Variants in AAR2 observed in about 807,000 individuals in gnomAD.
The protein encoded by AAR2 is AAR2 splicing factor.
AAR2 carries 31 observed loss-of-function variants against 26.9 expected under a neutral mutation model. That is an observed-to-expected ratio of 1.15 (90% CI 0.86 to 1.55). AAR2 has a LOEUF of 1.55. Among genes scored for constraint, AAR2 ranks in the 40% most tolerant of loss-of-function variants. AAR2 has a pLI of 0.00. For synonymous variants in AAR2, 188 were observed against 196.1 expected (o/e 0.96, Z 0.34); for missense variants, 430 against 491.3 (o/e 0.88, Z 1.18).
rs752437824 is a variant in AAR2 at position 36,244,690 on chromosome 20, C to T, written c.758-7C>T. 1 of 1,614,032 alleles carries T rather than the reference C, an allele frequency of 6.2e-7. No homozygotes were observed. The highest frequency in any genetic ancestry group is 1.1e-5 in the South Asian group (1 of 91,062). ...TCAGAATCACTTCTCCTCTCTGCAC[C>T]TTTCAGGTGAACTCCAGTTTGCTTT... On this transcript the variant is annotated splice_polypyrimidine_tract_variant and splice_region_variant and intron_variant, in intron 2 of 3. Transcript: ENST00000320849.
chr20:36,239,631 C>A (rs1376171510), intron 1 of AAR2, among the ~76,000 whole-genome samples, 190 bp from the exon 2 acceptor site: 5 of 152,122 alleles, frequency 3.3e-5, no homozygotes, highest in African/African-American at 1.2e-4. Flanking sequence ...GCATGTTAAG[C>A]CAAAACACAA....
At chr20:36,245,928 G>C (rs556701354) in intron 3 of AAR2, among the ~76,000 whole-genome samples, 1 of 152,190 alleles carries the variant, frequency 6.6e-6, no homozygotes, top group East Asian at 1.9e-4. Context: ...GCTGAGACAG[G>C]AGGATCACTT....
In AAR2 at chr20:36,255,643, C is replaced by A; in HGVS notation, c.1053C>A (p.Phe351Leu). ...DATLRKKAEK[F>L]QAHLTKKFRW... ...CCCTGAGAAAGAAAGCTGAAAAGTT[C>A]CAAGCTCACCTGACCAAGAAGTTCC... The change falls in exon 4 of 4, where the codon TTC (phenylalanine) becomes TTA (leucine). Residue 351 changes from phenylalanine (F) to leucine (L), a missense_variant. Phe to Leu is a conservative substitution (Grantham distance 22). Transcript: ENST00000320849. The A allele has an allele frequency of 6.2e-7, 1 of 1,614,176 alleles. No individual in the cohort carries two copies. Among genetic ancestry groups the A allele is most frequent in the Non-Finnish European group, 8.5e-7 (1 of 1,180,036 alleles).
chr20:36,252,369 G>T (rs769135568), intron 3 of AAR2, among the ~76,000 whole-genome samples: 2 of 152,186 alleles, frequency 1.3e-5, no homozygotes, highest in Non-Finnish European at 2.9e-5. Flanking sequence ...CGAGAGTGGA[G>T]CACGGTGTGA....
In AAR2 at chr20:36,256,320, A is replaced by G. The variant is rs1266690664; in HGVS notation, c.*575A>G. ...GTTTCAAGGGAGGCAGCTGGATTCA[A>G]TCTAGCAGGTGGTCAGCTTCAGCTT... On this transcript the variant is annotated 3_prime_UTR_variant, in exon 4 of 4. Coordinates refer to ENST00000320849, the MANE Select transcript of AAR2 (RefSeq NM_001271874.2). 3 of 152,624 alleles carry G rather than the reference A, an allele frequency of 2.0e-5. No homozygotes were observed. Among genetic ancestry groups the G allele is most frequent in the East Asian group, 3.9e-4 (2 of 5,190 alleles). The allele number at this position is 152,624 out of a possible 1,614,324, so 9.5% of individuals were successfully genotyped here.
At chr20:36,248,288 C>G (rs2064753519) in intron 3 of AAR2, among the ~76,000 whole-genome samples, 1 of 151,670 alleles carries the variant, frequency 6.6e-6, no homozygotes, top group Non-Finnish European at 1.5e-5. Context: ...TCATGGGCTC[C>G]TTTTACACGA....
At position 36,240,121 on chromosome 20, in the gene AAR2, G is replaced by A. The variant is rs775448962; in HGVS notation, c.253G>A (p.Gly85Arg). ...TTTCTTCCTTAGCCTGCACCAGCGG[G>A]GGCTGACAGTGCTGCGCTGGAGCAC... ...MGFFLSLHQR[G>R]LTVLRWSTLR... Residue 85 changes from glycine to arginine, a missense_variant, in exon 2 of 4, where the codon GGG (glycine) becomes AGG (arginine). By Grantham distance (125) the Gly-to-Arg change is moderately radical. Coordinates refer to ENST00000320849, the MANE Select transcript of AAR2 (RefSeq NM_001271874.2). 1 of 1,614,214 alleles carries A rather than the reference G, an allele frequency of 6.2e-7. No individual in the cohort carries two copies. The highest frequency in any genetic ancestry group is 8.5e-7 in the Non-Finnish European group (1 of 1,180,036).
rs747683964 is a variant in AAR2, at chr20:36,255,684, C to T, written c.1094C>T (p.Ala365Val). The T allele has an allele frequency of 9.9e-6, 16 of 1,614,012 alleles. No individual in the cohort carries two copies. Among genetic ancestry groups the T allele is most frequent in the South Asian group, 7.7e-5 (7 of 91,068 alleles). The change falls in exon 4 of 4, where the codon GCG (alanine) becomes GTG (valine). Residue 365 changes from alanine (A) to valine (V), a missense_variant. Coordinates refer to ENST00000320849, the MANE Select transcript of AAR2 (RefSeq NM_001271874.2). ...LTKKFRWDFA[A>V]EPEDCAPVVV... ...AAGAAGTTCCGGTGGGACTTTGCTG[C>T]GGAACCTGAGGACTGTGCCCCGGTG... is the stretch of plus-strand genomic sequence containing the variant.
At chr20:36,245,958 A>G (rs998602592) in intron 3 of AAR2, among the ~76,000 whole-genome samples, 1 of 152,226 alleles carries the variant, frequency 6.6e-6, no homozygotes, top group African/African-American at 2.4e-5. Flanking sequence ...GTTTGAGGCT[A>G]TAGTGAGCAA....
At chr20:36,253,150 C>T (rs139787386) in intron 3 of AAR2, among the ~76,000 whole-genome samples, 7 of 146,518 alleles carry the variant, frequency 4.8e-5, no homozygotes, top group African/African-American at 7.5e-5. Context: ...CCACTGAAAA[C>T]GAGCCGCACT....
chr20:36,246,989 C>A (rs2064740365), intron 3 of AAR2, among the ~76,000 whole-genome samples: 1 of 152,128 alleles, frequency 6.6e-6, no homozygotes, highest in South Asian at 2.1e-4. Flanking sequence ...GGGATTTGTT[C>A]ATTGATTTAG....
rs765635427 is a variant in AAR2 at position 36,255,733 on chromosome 20, C to T, written c.1143C>T (p.Ile381=). 1.4e-5 allele frequency: 23 copies of T among 1,614,112 alleles called. No individual in the cohort carries two copies. The East Asian group carries it at 3.3e-4, about 23-fold the overall frequency. Residue 381 remains isoleucine (I), a synonymous_variant, in exon 4 of 4, where the codon ATC becomes ATT. Coordinates refer to ENST00000320849, the MANE Select transcript of AAR2 (RefSeq NM_001271874.2). ...APVVVELPEG[I]EMG is the part of the protein sequence containing the mutation. The stretch of plus-strand genomic sequence containing the variant: ...TGGTGGTGGAGCTCCCTGAGGGCAT[C>T]GAGATGGGCTAACTCGGGGAGCGCT...
intron 1 of AAR2, 83 bp from the exon 2 acceptor site, chr20:36,239,738 A>C (rs997698779): frequency 4.6e-6 from 5 of 1,098,042 alleles, no homozygotes; most frequent in Non-Finnish European, 5.1e-6. Context: ...GGTCTAACTC[A>C]ATATCTGGCA....
rs1483381618 is a variant in AAR2, at chr20:36,255,772, G to C, written c.*27G>C. On this transcript the variant is annotated 3_prime_UTR_variant, in exon 4 of 4. Transcript: ENST00000320849. ...TCGGGGAGCGCTCTCAGCTGCGAGG[G>C]GCCCCTTCCCACAGGGCTGCAGTCC... The C allele has an allele frequency of 7.4e-6, 12 of 1,612,980 alleles. No homozygotes were observed. The Admixed American group carries it at 1.8e-4, about 25-fold the overall frequency.
intron 2 of AAR2, among the ~76,000 whole-genome samples, chr20:36,243,671 G>A (rs2064705797): frequency 6.6e-6 from 1 of 152,182 alleles, no homozygotes; most frequent in South Asian, 2.1e-4. Flanking sequence ...TGTTTGAGAT[G>A]GGCATCTGAT....
intron 3 of AAR2, among the ~76,000 whole-genome samples, chr20:36,249,719 A>G (rs1191429454): frequency 6.6e-6 from 1 of 152,250 alleles, no homozygotes; most frequent in East Asian, 1.9e-4. Flanking sequence ...TAATCCCATT[A>G]TATAGATGAG....
chr20:36,250,567 A>G (rs2064772339), intron 3 of AAR2, among the ~76,000 whole-genome samples: 1 of 152,218 alleles, frequency 6.6e-6, no homozygotes, highest in African/African-American at 2.4e-5. Context: ...AGTTTTTACA[A>G]ATACCAAGTT....
At chr20:36,246,202 G>A (rs2064733311) in intron 3 of AAR2, among the ~76,000 whole-genome samples, 1 of 152,192 alleles carries the variant, frequency 6.6e-6, no homozygotes, top group South Asian at 2.1e-4. Context: ...CTTGTGTAGT[G>A]AACACAGTGT....
At chr20:36,245,822 AC>A (rs1045372808) in intron 3 of AAR2, among the ~76,000 whole-genome samples, 3 of 152,146 alleles carry the variant, frequency 2.0e-5, no homozygotes, top group African/African-American at 7.2e-5. Flanking sequence ...GGAATTAAAG[AC>A]CAGCTTGGGC....
Sources: gnomAD v4.1 joint callset for allele counts (sites outside exome capture counted in the v4.1 genomes callset) on GRCh38, gnomAD v4.1.1 for gene constraint, MANE v1.5 for transcripts, NCBI Gene and HGNC (gene_info 2026-07-23, HGNC 2026-07-21) for gene names.